The following SCIN variants were observed in gnomAD, a reference collection of about 807,000 sequenced individuals.
SCIN encodes the protein scinderin, also known as adseverin.
In SCIN, 91 loss-of-function variants were observed where a neutral mutation model predicts 91.8. The ratio of observed to expected loss-of-function variants is 0.99; its 90% confidence interval spans 0.84 to 1.18. SCIN has a LOEUF of 1.18. SCIN is among the 50% of genes most tolerant of loss of function. The pLI, the probability that SCIN is intolerant of heterozygous loss-of-function variation, is 0.00. For synonymous variants in SCIN, 367 were observed against 312.6 expected, an observed-to-expected ratio of 1.17 and a Z score of -1.84; for missense variants, 1,087 against 863.9, an observed-to-expected ratio of 1.26 and a Z score of -3.24.
Position 12,570,748 on chromosome 7 carries a change from C to G in SCIN, c.-39C>G. 6.5e-6 allele frequency: 10 copies of G among 1,540,382 alleles called. No homozygotes were observed. Among genetic ancestry groups the G allele is most frequent in the Non-Finnish European group, 8.8e-6 (10 of 1,141,338 alleles). On this transcript the variant is annotated 5_prime_UTR_variant, in exon 1 of 16. Coordinates refer to ENST00000297029, the MANE Select transcript of SCIN (RefSeq NM_001112706.3). ...TGCTCTCGGTTTAGTCCAAGATCAG[C>G]GATATCACGCGTCCCCCGGAGCATC...
intron 4 of SCIN, among the ~76,000 whole-genome samples, chr7:12,606,298 G>C (rs999007255): frequency 1.3e-5 from 2 of 151,968 alleles, no homozygotes; most frequent in African/African-American, 2.4e-5. Context: ...TGATTTCCTG[G>C]AATATTATAC....
intron 9 of SCIN, 58 bp from the exon 10 acceptor site, chr7:12,635,987 C>T (rs903467309): frequency 3.2e-6 from 4 of 1,250,528 alleles, no homozygotes; most frequent in Admixed American, 1.9e-5. Flanking sequence ...GCAATGCCTA[C>T]ATGTGACGAT....
intron 3 of SCIN, among the ~76,000 whole-genome samples, chr7:12,584,137 G>T (rs956850004): frequency 1.3e-5 from 2 of 152,110 alleles, no homozygotes; most frequent in Non-Finnish European, 2.9e-5. Context: ...ATAAGATCTT[G>T]AACTACCTTG....
At position 12,626,668 on chromosome 7, in the gene SCIN, T is replaced by A; in HGVS notation, c.1066T>A (p.Phe356Ile). ...GAGAGATAAAGATCAGAGTGATGGC[T>A]TCGGGAAAGTTTATGTCACAGAGAA... ...DWRDKDQSDG[F>I]GKVYVTEKVA... Residue 356 changes from phenylalanine to isoleucine, a missense_variant, in exon 8 of 16, where the codon TTC becomes ATC. Coordinates refer to ENST00000297029, the MANE Select transcript of SCIN (RefSeq NM_001112706.3). 1 of 1,564,966 alleles carries A rather than the reference T, an allele frequency of 6.4e-7. No individual in the cohort carries two copies. Among genetic ancestry groups the A allele is most frequent in the Non-Finnish European group, 8.7e-7 (1 of 1,154,036 alleles).
chr7:12,626,601 A>G lies in SCIN; in HGVS notation c.999A>G (p.Glu333=). 1 of 1,548,214 alleles carries G rather than the reference A, an allele frequency of 6.5e-7. No homozygotes were observed. Among genetic ancestry groups the G allele is most frequent in the East Asian group, 2.4e-5 (1 of 40,908 alleles). ...SKNTQIQVLP[E]GGETPIFKQF... ...AATTTCAGATTCAAGTTCTTCCAGA[A>G]GGAGGTGAAACACCAATCTTCAAAC... The change falls in exon 8 of 16, where the codon GAA becomes GAG. Residue 333 remains glutamate (E), a synonymous_variant. Coordinates refer to ENST00000297029, the MANE Select transcript of SCIN (RefSeq NM_001112706.3).
chr7:12,604,399 C>T (rs1783027663), intron 3 of SCIN, 115 bp from the exon 4 acceptor site: 5 of 899,634 alleles, frequency 5.6e-6, no homozygotes, highest in Non-Finnish European at 8.4e-6. Context: ...GTATATACCT[C>T]AACAATAGGT....
At chr7:12,593,212 G>T (rs980070727) in intron 3 of SCIN, among the ~76,000 whole-genome samples, 1 of 152,194 alleles carries the variant, frequency 6.6e-6, no homozygotes, top group Non-Finnish European at 1.5e-5. Flanking sequence ...CTGCTATCAG[G>T]TCTTTTGTGC....
chr7:12,593,427 A>G (rs1782768469), intron 3 of SCIN, among the ~76,000 whole-genome samples: 1 of 152,220 alleles, frequency 6.6e-6, no homozygotes, highest in Non-Finnish European at 1.5e-5. Context: ...AGATTGGGAA[A>G]TAAAACGGGT....
In SCIN at chr7:12,653,991, A is replaced by G. The variant is rs1784129216; in HGVS notation, c.*1276A>G. The stretch of plus-strand genomic sequence containing the variant: ...AGTATATACTGATACACTGAGTGGC[A>G]GTTGCATTATCTACTAATCTATATA... On this transcript the variant is annotated 3_prime_UTR_variant, in exon 16 of 16. Transcript: ENST00000297029. The surrounding 1 kb of genome is among the most constrained non-coding windows in gnomAD (Gnocchi z 4.1). 1 of 152,052 alleles carries G rather than the reference A, an allele frequency of 6.6e-6. No homozygotes were observed. Among genetic ancestry groups the G allele is most frequent in the Non-Finnish European group, 1.5e-5 (1 of 68,012 alleles). The allele number at this position is 152,052 out of a possible 1,614,324, so 9.4% of individuals were successfully genotyped here.
Position 12,651,788 on chromosome 7 carries a change from C to A in SCIN, c.1960-53C>A. ...GTGAAGCACTTTACATAGGGCCTAGCACTGAGTCAACATCCCAGAAATCAT... is the reference window on the plus strand; with the variant it reads ...GTGAAGCACTTTACATAGGGCCTAGAACTGAGTCAACATCCCAGAAATCAT... On this transcript the variant is annotated intron_variant, in intron 14 of 15. Coordinates refer to ENST00000297029, the MANE Select transcript of SCIN (RefSeq NM_001112706.3). The surrounding 1 kb of genome is among the most constrained non-coding windows in gnomAD (Gnocchi z 5.9). 2 of 1,153,946 alleles carry A rather than the reference C, an allele frequency of 1.7e-6. No homozygotes were observed. Among genetic ancestry groups the A allele is most frequent in the Admixed American group, 2.0e-5 (1 of 50,600 alleles). 71.5% of individuals were successfully genotyped at this position (1,153,946 alleles called of 1,614,324 possible).
At chr7:12,580,573 A>G (rs1467102878) in intron 2 of SCIN, among the ~76,000 whole-genome samples, 1 of 152,196 alleles carries the variant, frequency 6.6e-6, no homozygotes, top group African/African-American at 2.4e-5. Context: ...ATTCCTGGCC[A>G]GCACTCAACA....
intron 1 of SCIN, among the ~76,000 whole-genome samples, chr7:12,573,206 A>G (rs1782303926): frequency 6.6e-6 from 1 of 152,218 alleles, no homozygotes; most frequent in Non-Finnish European, 1.5e-5. Flanking sequence ...ATCCATGAGG[A>G]TTCATCAGAG....
chr7:12,649,676 C>A (rs1285453776), intron 14 of SCIN, 132 bp downstream of exon 14: 4 of 475,752 alleles, frequency 8.4e-6, no homozygotes, highest in South Asian at 5.3e-5. Flanking sequence ...AACACACACA[C>A]ACATTTGGTA....
chr7:12,642,149 A>G (rs1283726973), intron 11 of SCIN, among the ~76,000 whole-genome samples: 1 of 152,024 alleles, frequency 6.6e-6, no homozygotes, highest in African/African-American at 2.4e-5. Context: ...TAAATAATTT[A>G]TTAAATGTTT....
At chr7:12,591,559 A>G (rs952688919) in intron 3 of SCIN, among the ~76,000 whole-genome samples, 6 of 152,144 alleles carry the variant, frequency 3.9e-5, no homozygotes, top group African/African-American at 1.4e-4. Flanking sequence ...GTTGGGAGAT[A>G]TCAGGTAAGG....
At position 12,622,978 on chromosome 7, in the gene SCIN, G is replaced by A. The variant is rs75745885; in HGVS notation, c.759+85G>A. The A allele has an allele frequency of 3.5e-3, 3,121 of 887,384 alleles. 104 individuals are homozygous for A. In the East Asian group the frequency reaches 0.069, roughly 20 times the overall value. 55.0% of individuals were successfully genotyped at this position (887,384 alleles called of 1,614,324 possible). On this transcript the variant is annotated intron_variant, in intron 5 of 15. Transcript: ENST00000297029. ...TGTATTGGGCGGGATTCCCGTTGCT[G>A]CAGTTGAGAACTCTCCTCATTGCTC...
In SCIN at chr7:12,652,591, A is replaced by G. The variant is rs1742780371; in HGVS notation, c.2024A>G (p.Lys675Arg). ...VEKKESLKSA[K>R]MYLETDPSGR... is the part of the protein sequence containing the mutation. ...ATGTCTTTACAACTTTTTTTAGCCA[A>G]AATGTACCTTGAGACAGACCCTTCT... The change falls in exon 16 of 16, where the codon AAA becomes AGA. Residue 675 changes from lysine (K) to arginine (R), a missense_variant. Coordinates refer to ENST00000297029, the MANE Select transcript of SCIN (RefSeq NM_001112706.3). 2 of 1,612,144 alleles carry G rather than the reference A, an allele frequency of 1.2e-6. No homozygotes were observed. The highest frequency in any genetic ancestry group is 1.3e-5 in the African/African-American group (1 of 74,800).
Position 12,635,926 on chromosome 7 carries a change from G to T in SCIN, c.1320-119G>T. ...ACAATAGCTTAACAGCTTGTATCAT[G>T]TTAAAACAGTTCGCTTCTTCTTGAT... On this transcript the variant is annotated intron_variant, in intron 9 of 15. Coordinates refer to ENST00000297029, the MANE Select transcript of SCIN (RefSeq NM_001112706.3). 3 of 736,184 alleles carry T rather than the reference G, an allele frequency of 4.1e-6. No homozygotes were observed. In the African/African-American group the frequency reaches 5.2e-5, roughly 13 times the overall value. 45.6% of individuals were successfully genotyped at this position (736,184 alleles called of 1,614,324 possible).
chr7:12,588,712 G>C (rs1464471570), intron 3 of SCIN, among the ~76,000 whole-genome samples: 2 of 151,432 alleles, frequency 1.3e-5, no homozygotes, highest in Non-Finnish European at 2.9e-5. Flanking sequence ...CTGCCCGTAG[G>C]GCTGTAAGCA....
Sources: allele counts gnomAD v4.1 joint callset (sites outside exome capture counted in the v4.1 genomes callset), GRCh38; gene constraint gnomAD v4.1.1; non-coding constraint Gnocchi (gnomAD v3.1); transcripts MANE v1.5; gene names NCBI Gene and HGNC (gene_info 2026-07-23, HGNC 2026-07-21).